ANKRD44: variants seen among roughly 807,000 people sequenced by gnomAD.
ANKRD44 encodes the protein ankyrin repeat domain 44.
In ANKRD44, 35 loss-of-function variants were observed where a neutral mutation model predicts 116.0. The ratio of observed to expected loss-of-function variants is 0.30; its 90% CI spans 0.23 to 0.40. The LOEUF (loss-of-function observed/expected upper bound fraction) is 0.40, where lower values mean the gene tolerates loss of function less well. Among genes scored for constraint, ANKRD44 ranks in the 10% least tolerant of loss-of-function variants. The pLI is 1.00. For missense variants in ANKRD44, 1,014 were observed against 1,242.6 expected (o/e 0.82, Z 2.77); for synonymous variants, 435 against 461.8 (o/e 0.94, Z 0.74).
chr2:197,208,673 G>A (rs977166374), intron 1 of ANKRD44, among the ~76,000 whole-genome samples: 6 of 151,998 alleles, frequency 3.9e-5, no homozygotes, highest in African/African-American at 1.2e-4. Context: ...GGTGGTGGGC[G>A]CCTATAGTCC....
intron 1 of ANKRD44, among the ~76,000 whole-genome samples, chr2:197,249,680 G>A (rs1413652742): frequency 6.6e-6 from 1 of 152,062 alleles, no homozygotes; most frequent in Admixed American, 6.5e-5. Context: ...AGAGTTATAG[G>A]TTTACATTCA....
chr2:197,187,826 T>C (rs901111051), intron 1 of ANKRD44, among the ~76,000 whole-genome samples: 3 of 152,122 alleles, frequency 2.0e-5, no homozygotes, highest in African/African-American at 7.2e-5. Flanking sequence ...CCTCCAGAAC[T>C]GGGAGAACAA....
chr2:197,213,282 G>T (rs1304425933), intron 1 of ANKRD44, among the ~76,000 whole-genome samples: 5 of 152,154 alleles, frequency 3.3e-5, no homozygotes, highest in Non-Finnish European at 7.4e-5. Context: ...TACACAAGCG[G>T]TCTATAAAGT....
chr2:197,037,139 T>C (rs959649264), intron 16 of ANKRD44, among the ~76,000 whole-genome samples: 1 of 152,240 alleles, frequency 6.6e-6, no homozygotes, highest in East Asian at 1.9e-4. Flanking sequence ...AAAACGTTCA[T>C]ATGAGCGGAG....
At chr2:197,220,962 G>A (rs1186186061) in intron 1 of ANKRD44, among the ~76,000 whole-genome samples, 1 of 152,110 alleles carries the variant, frequency 6.6e-6, no homozygotes, top group African/African-American at 2.4e-5. Flanking sequence ...AAAAATAGCT[G>A]CTAGAGGTCG....
chr2:196,997,785 A>C (rs1171667456), intron 25 of ANKRD44, among the ~76,000 whole-genome samples: 1 of 146,598 alleles, frequency 6.8e-6, no homozygotes, highest in Non-Finnish European at 1.5e-5. Context: ...AATCTTGAGC[A>C]ACATGTGAAC....
chr2:196,969,975 C>G (rs1393747316), intron 21 of ANKRD44, among the ~76,000 whole-genome samples: 2 of 152,164 alleles, frequency 1.3e-5, no homozygotes, highest in African/African-American at 4.8e-5. Flanking sequence ...GGAGATTTGA[C>G]TCAGTAATTT....
intron 3 of ANKRD44, among the ~76,000 whole-genome samples, chr2:197,145,157 G>A (rs938203252): frequency 1.2e-4 from 19 of 152,268 alleles, no homozygotes; most frequent in Admixed American, 6.5e-4. Context: ...CAGGCGTGGT[G>A]GCACGCGCCT....
chr2:197,216,205 T>C (rs2081439218), intron 1 of ANKRD44, among the ~76,000 whole-genome samples: 1 of 152,158 alleles, frequency 6.6e-6, no homozygotes, highest in South Asian at 2.1e-4. Flanking sequence ...TCTGGTATAG[T>C]TTTCAAATAT....
At chr2:197,273,707 A>G (rs1225065457) in intron 1 of ANKRD44, among the ~76,000 whole-genome samples, 1 of 151,986 alleles carries the variant, frequency 6.6e-6, no homozygotes, top group African/African-American at 2.4e-5. Context: ...TGGCTGGTTC[A>G]CCCACAAACA....
intron 1 of ANKRD44, among the ~76,000 whole-genome samples, chr2:197,262,504 A>T (rs369651760): frequency 3.6e-4 from 55 of 152,348 alleles, no homozygotes; most frequent in Admixed American, 1.8e-3. Flanking sequence ...ATTTTAAGGC[A>T]TATGGATTTG....
chr2:197,265,345 C>G (rs559524456), intron 1 of ANKRD44, among the ~76,000 whole-genome samples: 7 of 151,490 alleles, frequency 4.6e-5, no homozygotes, highest in South Asian at 2.1e-4. Flanking sequence ...CTCCTGGGTT[C>G]AAGTGATTCT....
chr2:196,998,835 T>C (rs2125893192), intron 24 of ANKRD44, 72 bp downstream of exon 24: 2 of 1,577,456 alleles, frequency 1.3e-6, no homozygotes, highest in East Asian at 4.5e-5. Context: ...TGAGAACAAC[T>C]GATTTCTTGA....
chr2:197,128,846 C>T (rs188246980), intron 4 of ANKRD44, among the ~76,000 whole-genome samples: 1 of 152,114 alleles, frequency 6.6e-6, no homozygotes, highest in East Asian at 1.9e-4. Context: ...TGGTAAAGAA[C>T]CAGTTTTCTA....
intron 2 of ANKRD44, among the ~76,000 whole-genome samples, chr2:197,157,620 G>C (rs2079852889): frequency 6.9e-6 from 1 of 144,396 alleles, no homozygotes; most frequent in Non-Finnish European, 1.5e-5. Flanking sequence ...AGAGGTTGCA[G>C]TGAGCTGAGA....
intron 25 of ANKRD44, among the ~76,000 whole-genome samples, chr2:196,998,062 C>G (rs964731141): frequency 3.3e-5 from 5 of 149,560 alleles, no homozygotes; most frequent in Admixed American, 2.0e-4. Flanking sequence ...ATGGCAGCAT[C>G]AAGACAGACA....
At chr2:197,269,223 G>A (rs2082825263) in intron 1 of ANKRD44, among the ~76,000 whole-genome samples, 1 of 152,158 alleles carries the variant, frequency 6.6e-6, no homozygotes, top group Non-Finnish European at 1.5e-5. Context: ...TTTTATCCCT[G>A]CCCTGTTCCA....
At chr2:196,973,924 C>G (rs962746031) in intron 21 of ANKRD44, among the ~76,000 whole-genome samples, 1 of 152,078 alleles carries the variant, frequency 6.6e-6, no homozygotes, top group African/African-American at 2.4e-5. Context: ...ATCTGTGAAG[C>G]CCTTTCTTAA....
chr2:197,156,175 T>C (rs1344786207), intron 2 of ANKRD44, among the ~76,000 whole-genome samples: 3 of 152,024 alleles, frequency 2.0e-5, no homozygotes, highest in Admixed American at 2.0e-4. Flanking sequence ...TGAAACCCCG[T>C]CTCTACCAAA....
Sources: allele counts gnomAD v4.1 joint callset (sites outside exome capture counted in the v4.1 genomes callset), GRCh38; gene constraint gnomAD v4.1.1; transcripts MANE v1.5; gene names NCBI Gene and HGNC (gene_info 2026-07-23, HGNC 2026-07-21).